Variants in GALNTL6 observed in about 807,000 individuals in gnomAD.
The protein encoded by GALNTL6 is polypeptide N-acetylgalactosaminyltransferase like 6.
A neutral mutation model predicts 73.7 loss-of-function variants in GALNTL6; 46 were observed. The observed-to-expected ratio is 0.62, with a 90% CI of 0.49 to 0.80. The LOEUF is 0.80. Among genes scored for constraint, GALNTL6 ranks in the 30% least tolerant of loss-of-function variants. GALNTL6 has a pLI of 0.00. For synonymous variants in GALNTL6, 259 were observed against 263.7 expected, an observed-to-expected ratio of 0.98 and a Z score of 0.17; for missense variants, 604 against 755.0, an observed-to-expected ratio of 0.80 and a Z score of 2.34.
chr4:172,361,941 CT>C (rs1410048394), intron 5 of GALNTL6, among the ~76,000 whole-genome samples: 1 of 152,094 alleles, frequency 6.6e-6, no homozygotes, highest in African/African-American at 2.4e-5. Context: ...GCTATTTGAT[CT>C]TGGCTTGGTA....
chr4:173,018,800 T>C (rs1239157887), intron 11 of GALNTL6, among the ~76,000 whole-genome samples: 1 of 152,174 alleles, frequency 6.6e-6, no homozygotes, highest in African/African-American at 2.4e-5. Flanking sequence ...GAAAGGAATG[T>C]AGGTGGAAAG....
chr4:172,445,315 C>G (rs1350845963), intron 5 of GALNTL6, among the ~76,000 whole-genome samples: 1 of 152,050 alleles, frequency 6.6e-6, no homozygotes, highest in Non-Finnish European at 1.5e-5. Context: ...AGTTTATCAA[C>G]TTAAAATTGA....
chr4:172,117,991 G>A (rs1333691429), intron 2 of GALNTL6, among the ~76,000 whole-genome samples: 2 of 152,094 alleles, frequency 1.3e-5, no homozygotes, highest in African/African-American at 4.8e-5. Context: ...CTAGGGTTAT[G>A]GGTTATCTGG....
intron 2 of GALNTL6, among the ~76,000 whole-genome samples, chr4:171,817,723 G>C (rs964913493): frequency 2.0e-5 from 3 of 151,492 alleles, no homozygotes; most frequent in Admixed American, 1.3e-4. Flanking sequence ...AAATTACCAA[G>C]TTATTTATTT....
At chr4:172,738,980 G>T (rs867243441) in intron 5 of GALNTL6, among the ~76,000 whole-genome samples, 1 of 152,174 alleles carries the variant, frequency 6.6e-6, no homozygotes, top group African/African-American at 2.4e-5. Flanking sequence ...TGCAGATGAA[G>T]CCTCCAGGTA....
chr4:172,698,542 T>C (rs995915712), intron 5 of GALNTL6, among the ~76,000 whole-genome samples: 3 of 152,154 alleles, frequency 2.0e-5, no homozygotes, highest in African/African-American at 7.2e-5. Flanking sequence ...GGAGCTCCAT[T>C]ATTTACCAAA....
chr4:172,098,691 A>G (rs1197595406), intron 2 of GALNTL6, among the ~76,000 whole-genome samples: 1 of 152,166 alleles, frequency 6.6e-6, no homozygotes, highest in Admixed American at 6.5e-5. Context: ...AGCTTGGGTT[A>G]AATTCAAGTT....
chr4:172,773,082 G>T (rs1308607313), intron 5 of GALNTL6, among the ~76,000 whole-genome samples: 2 of 152,206 alleles, frequency 1.3e-5, no homozygotes, highest in Non-Finnish European at 2.9e-5. Context: ...GGTCTATATG[G>T]ACTAGTCACA....
intron 10 of GALNTL6, among the ~76,000 whole-genome samples, chr4:173,001,446 G>C (rs1752041869): frequency 6.6e-6 from 1 of 152,116 alleles, no homozygotes; most frequent in Non-Finnish European, 1.5e-5. Flanking sequence ...AATCTCCATG[G>C]CATTGGAATG....
intron 5 of GALNTL6, among the ~76,000 whole-genome samples, chr4:172,786,889 G>A (rs1739689500): frequency 6.6e-6 from 1 of 152,186 alleles, no homozygotes; most frequent in Non-Finnish European, 1.5e-5. Flanking sequence ...ACTGAGCCAT[G>A]TCAAGTTTCG....
At chr4:172,664,067 G>T (rs1434508944) in intron 5 of GALNTL6, among the ~76,000 whole-genome samples, 1 of 152,166 alleles carries the variant, frequency 6.6e-6, no homozygotes, top group African/African-American at 2.4e-5. Flanking sequence ...AAGAATATCG[G>T]CTACATGGCA....
chr4:172,465,764 A>AGTAGTC (rs1470258120), intron 5 of GALNTL6, among the ~76,000 whole-genome samples: 1 of 152,240 alleles, frequency 6.6e-6, no homozygotes, highest in African/African-American at 2.4e-5. Flanking sequence ...GATCATAACA[A>AGTAGTC]GTAGTCTGTC....
intron 3 of GALNTL6, among the ~76,000 whole-genome samples, chr4:172,253,581 T>G (rs565403880): frequency 2.6e-5 from 4 of 152,050 alleles, no homozygotes; most frequent in African/African-American, 9.6e-5. Context: ...TAGCTAATAC[T>G]GAATAGCAAC....
chr4:172,363,921 A>C (rs1215966332), intron 5 of GALNTL6, among the ~76,000 whole-genome samples: 2 of 152,188 alleles, frequency 1.3e-5, no homozygotes, highest in Non-Finnish European at 2.9e-5. Flanking sequence ...CACACTAATG[A>C]TGTATGTCAG....
chr4:172,410,076 AAAC>A (rs1373144155), intron 5 of GALNTL6, among the ~76,000 whole-genome samples: 1 of 152,028 alleles, frequency 6.6e-6, no homozygotes, highest in African/African-American at 2.4e-5. Context: ...TATTCATTAA[AAAC>A]AAGATACCAC....
chr4:172,630,719 AT>A, intron 5 of GALNTL6, among the ~76,000 whole-genome samples: 1 of 151,074 alleles, frequency 6.6e-6, no homozygotes, highest in East Asian at 2.0e-4. Flanking sequence ...ATATATATAT[AT>A]AATACATATA....
At chr4:172,208,223 A>T (rs1736207059) in intron 2 of GALNTL6, among the ~76,000 whole-genome samples, 1 of 152,110 alleles carries the variant, frequency 6.6e-6, no homozygotes, top group African/African-American at 2.4e-5. Flanking sequence ...AGCAAGTTTA[A>T]AGTTATTGAA....
At chr4:172,433,413 G>A (rs2111386924) in intron 5 of GALNTL6, among the ~76,000 whole-genome samples, 1 of 152,130 alleles carries the variant, frequency 6.6e-6, no homozygotes, top group Non-Finnish European at 1.5e-5. Context: ...CTTTGCTCCA[G>A]GGCAATACGT....
intron 5 of GALNTL6, among the ~76,000 whole-genome samples, chr4:172,739,403 G>T (rs919461333): frequency 6.6e-6 from 1 of 152,132 alleles, no homozygotes; most frequent in African/African-American, 2.4e-5. Context: ...TCTCATCAGG[G>T]TGTAGGAAGA....
Sources: gnomAD v4.1 joint callset for allele counts (sites outside exome capture counted in the v4.1 genomes callset) on GRCh38, gnomAD v4.1.1 for gene constraint, MANE v1.5 for transcripts, NCBI Gene and HGNC (gene_info 2026-07-23, HGNC 2026-07-21) for gene names.